TRERF1: variants seen among roughly 807,000 people sequenced by gnomAD.
The protein encoded by TRERF1 is transcriptional-regulating factor 1.
A neutral mutation model predicts 122.9 loss-of-function variants in TRERF1; 27 were observed. That is an observed-to-expected ratio of 0.22 (90% CI 0.16 to 0.30). The LOEUF (loss-of-function observed/expected upper bound fraction) is 0.30, where lower values mean the gene tolerates loss of function less well. Among genes scored for constraint, TRERF1 ranks in the 10% least tolerant of loss-of-function variants. The probability of loss-of-function intolerance (pLI) is 1.00; values close to 1 mark genes in which losing one functional copy is unlikely to be tolerated. For synonymous variants in TRERF1, 636 were observed against 641.7 expected (o/e 0.99, Z 0.13); for missense variants, 1,248 against 1,560.3 (o/e 0.80, Z 3.37).
At chr6:42,421,150 T>C (rs1021321202) in intron 2 of TRERF1, among the ~76,000 whole-genome samples, 1 of 152,188 alleles carries the variant, frequency 6.6e-6, no homozygotes, top group African/African-American at 2.4e-5. Context: ...CCTACCTCAT[T>C]GGGTCGTTGT....
At chr6:42,296,700 C>A (rs750290543) in intron 4 of TRERF1, among the ~76,000 whole-genome samples, 2 of 151,834 alleles carry the variant, frequency 1.3e-5, no homozygotes. Flanking sequence ...AAAAACCAAT[C>A]GCAGGAAGGA....
intron 3 of TRERF1, among the ~76,000 whole-genome samples, chr6:42,316,268 C>T (rs1172280702): frequency 6.6e-6 from 1 of 152,176 alleles, no homozygotes; most frequent in Non-Finnish European, 1.5e-5. Context: ...AGAGGCTGGT[C>T]TGCCTCAGTG....
chr6:42,414,503 T>C (rs1415839237), intron 2 of TRERF1, among the ~76,000 whole-genome samples: 2 of 152,274 alleles, frequency 1.3e-5, no homozygotes, highest in East Asian at 3.8e-4. Context: ...ACTTGCTTTT[T>C]TCACTCCAAA....
intron 2 of TRERF1, among the ~76,000 whole-genome samples, chr6:42,421,968 G>A (rs1249380375): frequency 6.6e-6 from 1 of 151,468 alleles, no homozygotes; most frequent in Non-Finnish European, 1.5e-5. Flanking sequence ...AGGAGTTCGA[G>A]ACCAACCTGG....
intron 2 of TRERF1, among the ~76,000 whole-genome samples, chr6:42,426,696 T>C (rs187337398): frequency 6.3e-4 from 96 of 152,270 alleles, no homozygotes; most frequent in Non-Finnish European, 1.2e-3. Context: ...TGAAGTATGA[T>C]TGGAACGCAG....
chr6:42,435,138 A>G (rs919288704), intron 2 of TRERF1, among the ~76,000 whole-genome samples: 3 of 151,750 alleles, frequency 2.0e-5, no homozygotes, highest in Non-Finnish European at 4.4e-5. Context: ...TCTCAAAAAA[A>G]AAAGAAAGAA....
rs746445530 is a variant in TRERF1 at position 42,243,229 on chromosome 6, A to G, written c.2859+19T>C. 1 of 1,607,724 alleles carries G rather than the reference A, an allele frequency of 6.2e-7. No homozygotes were observed. The highest frequency in any genetic ancestry group is 8.5e-7 in the Non-Finnish European group (1 of 1,174,268). On this transcript the variant is annotated intron_variant, in intron 15 of 17. Transcript: ENST00000372922. ...GGGAGCTGTCCCAGCACAAGCAACA[A>G]CTTAGCAGCTTCACTCACCACACAA...
In TRERF1 at chr6:42,393,673, G is replaced by A. The variant is rs1778114597; in HGVS notation, c.-453-30594C>T. On this transcript the variant is annotated intron_variant, in intron 2 of 17. Transcript: ENST00000372922. The surrounding 1 kb of genome is among the most constrained non-coding windows in gnomAD (Gnocchi z 4.1). ...AAATCCGCTGCAGCATTAGGTGAATGAGCAAAAGAAATGGAAGGCAATTTA... is the reference window on the plus strand; with the variant it reads ...AAATCCGCTGCAGCATTAGGTGAATAAGCAAAAGAAATGGAAGGCAATTTA... Among the ~76,000 whole-genome samples the A allele has an allele frequency of 6.6e-6, 1 of 152,208 alleles. No homozygotes were observed. The highest frequency in any genetic ancestry group is 1.5e-5 in the Non-Finnish European group (1 of 68,036).
At chr6:42,234,735 C>G (rs144654896) in intron 16 of TRERF1, among the ~76,000 whole-genome samples, 1 of 152,184 alleles carries the variant, frequency 6.6e-6, no homozygotes, top group Non-Finnish European at 1.5e-5. Flanking sequence ...AAAACCAGCA[C>G]GCTTTTTCCA....
intron 3 of TRERF1, among the ~76,000 whole-genome samples, chr6:42,354,448 T>C (rs1267799286): frequency 6.6e-6 from 1 of 152,114 alleles, no homozygotes; most frequent in Non-Finnish European, 1.5e-5. Context: ...CTTTTCCTTT[T>C]TGAATGCTTT....
chr6:42,323,520 C>G (rs2150486273), intron 3 of TRERF1, among the ~76,000 whole-genome samples: 1 of 152,220 alleles, frequency 6.6e-6, no homozygotes, highest in South Asian at 2.1e-4. Context: ...ATTAGGGATA[C>G]TGATGGATAA....
intron 3 of TRERF1, among the ~76,000 whole-genome samples, chr6:42,320,139 G>A (rs1041257773): frequency 6.6e-6 from 1 of 152,026 alleles, no homozygotes; most frequent in African/African-American, 2.4e-5. Context: ...GACCTCAAAT[G>A]ATCCACCTGG....
At chr6:42,287,303 A>AG (rs1334019510) in intron 4 of TRERF1, among the ~76,000 whole-genome samples, 1 of 151,910 alleles carries the variant, frequency 6.6e-6, no homozygotes, top group Non-Finnish European at 1.5e-5. Context: ...AAAAAAAAAA[A>AG]AAAGAAAAGG....
chr6:42,441,315 T>A (rs1054035075), intron 2 of TRERF1, among the ~76,000 whole-genome samples: 1 of 152,074 alleles, frequency 6.6e-6, no homozygotes, highest in Admixed American at 6.6e-5. Flanking sequence ...AAATCTTACG[T>A]AGAGTTGCTC....
chr6:42,449,323 C>A (rs1788057773), intron 2 of TRERF1, among the ~76,000 whole-genome samples: 1 of 152,160 alleles, frequency 6.6e-6, no homozygotes. Context: ...CCTAAAAGGG[C>A]GGAGCCCAGA....
intron 4 of TRERF1, among the ~76,000 whole-genome samples, chr6:42,300,288 T>G (rs535889036): frequency 1.3e-5 from 2 of 152,320 alleles, no homozygotes; most frequent in South Asian, 4.1e-4. Flanking sequence ...GGTCGTGGAC[T>G]GAGTAATCTT....
At chr6:42,355,358 T>A (rs527543869) in intron 3 of TRERF1, among the ~76,000 whole-genome samples, 2 of 152,366 alleles carry the variant, frequency 1.3e-5, no homozygotes, top group East Asian at 3.8e-4. Flanking sequence ...TAGGAAAATA[T>A]ATGTATATGA....
intron 2 of TRERF1, among the ~76,000 whole-genome samples, chr6:42,449,932 C>T (rs1788171096): frequency 6.6e-6 from 1 of 152,224 alleles, no homozygotes; most frequent in African/African-American, 2.4e-5. Flanking sequence ...CCTCAGTTAA[C>T]CCCACTGCCT....
intron 2 of TRERF1, among the ~76,000 whole-genome samples, chr6:42,390,635 C>G (rs1777573111): frequency 6.6e-6 from 1 of 152,154 alleles, no homozygotes; most frequent in African/African-American, 2.4e-5. Context: ...CTGTACTGTT[C>G]TGAGACAGAC....
Sources: gnomAD v4.1 joint callset for allele counts (sites outside exome capture counted in the v4.1 genomes callset) on GRCh38, gnomAD v4.1.1 for gene constraint, Gnocchi (gnomAD v3.1) non-coding constraint, MANE v1.5 for transcripts, NCBI Gene and HGNC (gene_info 2026-07-23, HGNC 2026-07-21) for gene names.